MCMDC2: variants seen among roughly 807,000 people sequenced by gnomAD.
MCMDC2 encodes minichromosome maintenance domain containing 2, also known as minichromosome maintenance domain-containing protein 2.
In MCMDC2, 54 loss-of-function variants were observed where a neutral mutation model predicts 75.8. The ratio of observed to expected loss-of-function variants is 0.71; its 90% CI spans 0.57 to 0.89. MCMDC2 has a LOEUF of 0.89. MCMDC2 is among the 40% of genes least tolerant of loss of function. The probability of loss-of-function intolerance (pLI) is 0.00; values close to 1 mark genes in which losing one functional copy is unlikely to be tolerated. For synonymous variants in MCMDC2, 249 were observed against 274.6 expected (o/e 0.91, Z 0.92); for missense variants, 656 against 780.4 (o/e 0.84, Z 1.90).
downstream of MCMDC2, among the ~76,000 whole-genome samples, chr8:66,924,000 G>A (rs1464991260): frequency 1.3e-5 from 2 of 152,052 alleles, no homozygotes; most frequent in Non-Finnish European, 2.9e-5. Context: ...TGAATAGGAA[G>A]CAGGGAAATG....
chr8:66,906,925 C>T (rs1239404161), intron 14 of MCMDC2, among the ~76,000 whole-genome samples: 3 of 151,930 alleles, frequency 2.0e-5, no homozygotes, highest in Admixed American at 6.6e-5. Flanking sequence ...TGCGCCACCA[C>T]GCCCAGCTAA....
downstream of MCMDC2, among the ~76,000 whole-genome samples, chr8:66,924,056 G>A (rs1366619543): frequency 1.3e-5 from 2 of 152,038 alleles, no homozygotes; most frequent in African/African-American, 2.4e-5. Flanking sequence ...GTTCTCAAAT[G>A]TATCGGTGGA....
At position 66,902,714 on chromosome 8, in the gene MCMDC2, AT is replaced by A. The variant is rs1563385362; in HGVS notation, c.1769+1367del. On this transcript the variant is annotated intron_variant, in intron 13 of 14. Coordinates refer to ENST00000422365, the MANE Select transcript of MCMDC2 (RefSeq NM_173518.5). ...TCTCAAAAAAAAAAAAAAAAAAAAT[AT>A]ATATATATATATATATATATATATA... 9.9e-3 allele frequency among the ~76,000 whole-genome samples: 1,012 copies of A among 102,002 alleles called. 14 individuals carry two copies. The highest frequency in any genetic ancestry group is 0.02 in the African/African-American group (506 of 25,860). The allele number at this position is 102,002 out of a possible 152,430, so 66.9% of individuals were successfully genotyped here.
intron 10 of MCMDC2, among the ~76,000 whole-genome samples, chr8:66,893,510 A>G (rs542439668): frequency 6.6e-6 from 1 of 152,342 alleles, no homozygotes; most frequent in South Asian, 2.1e-4. Context: ...TGAAAGGCAC[A>G]TCTCAAGTGG....
At position 66,901,210 on chromosome 8, in the gene MCMDC2, T is replaced by C. The variant is rs373050085; in HGVS notation, c.1631T>C (p.Leu544Ser). ...TGGATTTTTCACACTTTTTAGCTAT[T>C]GGCTTTTGCAAAGAATTTGAATGTA... Reference protein sequence around the residue: ...QFTTEDFEKLLAFAKNLNVEF... With the variant: ...QFTTEDFEKLSAFAKNLNVEF... Residue 544 changes from leucine to serine, a missense_variant, in exon 13 of 15, where the codon TTG (leucine) becomes TCG (serine). By Grantham distance (145) the Leu-to-Ser change is moderately radical. Coordinates refer to ENST00000422365, the MANE Select transcript of MCMDC2 (RefSeq NM_173518.5). The C allele has an allele frequency of 1.9e-6, 3 of 1,612,886 alleles. No homozygotes were observed. The South Asian group carries it at 3.3e-5, about 18-fold the overall frequency.
At chr8:66,877,592 T>A (rs1362939601) in intron 5 of MCMDC2, 48 bp downstream of exon 5, 1 of 1,416,930 alleles carries the variant, frequency 7.1e-7, no homozygotes, top group East Asian at 2.4e-5. Context: ...TGGCTAGGCA[T>A]GGTGGCTCAC....
chr8:66,922,650 C>T, downstream of MCMDC2: 1 of 372,414 alleles, frequency 2.7e-6, no homozygotes, highest in Non-Finnish European at 5.5e-6. Context: ...AGTTTTTTCA[C>T]AACCTTCTAC....
chr8:66,900,219 C>A (rs1455914246), intron 12 of MCMDC2, among the ~76,000 whole-genome samples: 3 of 151,946 alleles, frequency 2.0e-5, no homozygotes, highest in African/African-American at 7.3e-5. Flanking sequence ...GGCGGATCAC[C>A]TGAGGTCAGG....
intron 14 of MCMDC2, among the ~76,000 whole-genome samples, chr8:66,915,487 TTATATATTTA>T (rs1270887387): frequency 1.4e-5 from 2 of 142,860 alleles, no homozygotes; most frequent in African/African-American, 5.3e-5. Flanking sequence ...ATATATATAT[TTATATATTTA>T]TATATGTTTT....
In MCMDC2 at chr8:66,891,004, G is replaced by A. The variant is rs144951841; in HGVS notation, c.1213G>A (p.Gly405Ser). Reference protein sequence around the residue: ...IQAGSALLAKGGICFIGDLAS... With the variant: ...IQAGSALLAKSGICFIGDLAS... ...GGCTGGCAGTGCTTTGCTAGCTAAA[G>A]GTGGTATCTGCTTTATAGGAGACTT... is the stretch of plus-strand genomic sequence containing the variant. Residue 405 changes from glycine to serine, a missense_variant, in exon 10 of 15, where the codon GGT (glycine) becomes AGT (serine). Coordinates refer to ENST00000422365, the MANE Select transcript of MCMDC2 (RefSeq NM_173518.5). The A allele has an allele frequency of 7.5e-6, 12 of 1,606,544 alleles. No homozygotes were observed. Among genetic ancestry groups the A allele is most frequent in the Non-Finnish European group, 1.0e-5 (12 of 1,178,434 alleles).
chr8:66,898,957 T>C (rs187469599), intron 12 of MCMDC2, among the ~76,000 whole-genome samples: 21 of 152,354 alleles, frequency 1.4e-4, no homozygotes, highest in Admixed American at 3.9e-4. Flanking sequence ...ATATTTACAA[T>C]AAGTCTTGCA....
chr8:66,924,513 T>A (rs1813660803), downstream of MCMDC2, among the ~76,000 whole-genome samples: 1 of 151,190 alleles, frequency 6.6e-6, no homozygotes, highest in Non-Finnish European at 1.5e-5. Flanking sequence ...CAGGCGCCTG[T>A]AATCCCAGCT....
rs1032386115 is a variant in MCMDC2, at chr8:66,921,961, T to A, written c.*2792T>A. 1 of 152,870 alleles carries A rather than the reference T, an allele frequency of 6.5e-6. No homozygotes were observed. Among genetic ancestry groups the A allele is most frequent in the East Asian group, 1.9e-4 (1 of 5,204 alleles). 9.5% of individuals were successfully genotyped at this position (152,870 alleles called of 1,614,324 possible). ...GATTTAAAAGAAAACACTTTATTGT[T>A]CAGCAATTAAAAGTTAGCCAAATAT... On this transcript the variant is annotated 3_prime_UTR_variant, in exon 15 of 15. Coordinates refer to ENST00000422365, the MANE Select transcript of MCMDC2 (RefSeq NM_173518.5).
chr8:66,886,539 G>T (rs1049225445), intron 9 of MCMDC2, among the ~76,000 whole-genome samples: 3 of 152,110 alleles, frequency 2.0e-5, no homozygotes, highest in Non-Finnish European at 4.4e-5. Flanking sequence ...TTGGGAGGCT[G>T]AGGCAGGCAG....
At chr8:66,884,194 C>T (rs1429175257) in intron 9 of MCMDC2, 200 bp downstream of exon 9, 6 of 575,354 alleles carry the variant, frequency 1.0e-5, no homozygotes, top group Non-Finnish European at 6.1e-6. Flanking sequence ...CAATTTTCAA[C>T]CTATTTCCCC....
rs1813425850 is a variant in MCMDC2 at position 66,919,085 on chromosome 8, C to T, written c.1962C>T (p.Leu654=). The change falls in exon 15 of 15, where the codon CTC becomes CTT. Residue 654 remains leucine, a synonymous_variant. Coordinates refer to ENST00000422365, the MANE Select transcript of MCMDC2 (RefSeq NM_173518.5). ...YNEEYLEQRD[L]YLTQCQQQLE... is the part of the protein sequence containing the mutation. ...AAGAATACTTAGAGCAAAGGGATCT[C>T]TATCTGACTCAGTGCCAACAACAGC... 1 of 1,550,774 alleles carries T rather than the reference C, an allele frequency of 6.4e-7. No individual in the cohort carries two copies. The highest frequency in any genetic ancestry group is 2.4e-5 in the East Asian group (1 of 40,860).
At chr8:66,907,919 G>A (rs539435449) in intron 14 of MCMDC2, among the ~76,000 whole-genome samples, 1 of 151,690 alleles carries the variant, frequency 6.6e-6, no homozygotes, top group African/African-American at 2.4e-5. Flanking sequence ...TTTTGATGGG[G>A]TTTTTTTTCT....
Position 66,883,930 on chromosome 8 carries a change from A to G in MCMDC2, c.1009A>G (p.Asn337Asp), listed in dbSNP as rs1320873234. The part of the protein sequence containing the change: ...LMSLVQTTDR[N>D]KELEDCLDIL... ...GAGTCTAGTACAGACAACTGACCGT[A>G]ACAAGGAACTGGAAGATTGCCTGGA... The change falls in exon 9 of 15, where the codon AAC becomes GAC. Residue 337 changes from asparagine to aspartate, a missense_variant. Transcript: ENST00000422365. 1.2e-6 allele frequency: 2 copies of G among 1,614,064 alleles called. No individual in the cohort carries two copies. Among genetic ancestry groups the G allele is most frequent in the South Asian group, 2.2e-5 (2 of 91,078 alleles).
In MCMDC2 at chr8:66,919,231, G is replaced by A; in HGVS notation, c.*62G>A. ...AGTGGAGAAAAAGTGTGACTATTTT[G>A]AGAGTGACTTTGAAGTAATGCTTTG... On this transcript the variant is annotated 3_prime_UTR_variant, in exon 15 of 15. Coordinates refer to ENST00000422365, the MANE Select transcript of MCMDC2 (RefSeq NM_173518.5). 1 of 1,321,262 alleles carries A rather than the reference G, an allele frequency of 7.6e-7. No individual in the cohort carries two copies. The highest frequency in any genetic ancestry group is 1.0e-6 in the Non-Finnish European group (1 of 967,724). The allele number at this position is 1,321,262 out of a possible 1,614,324, so 81.8% of individuals were successfully genotyped here. A position where few individuals can be genotyped will look rare whatever the true frequency, so the allele number is the denominator to read the frequency against.
Sources: allele counts gnomAD v4.1 joint callset (sites outside exome capture counted in the v4.1 genomes callset), GRCh38; gene constraint gnomAD v4.1.1; transcripts MANE v1.5; gene names NCBI Gene and HGNC (gene_info 2026-07-23, HGNC 2026-07-21).